Variants in RPL5 observed in about 807,000 individuals in gnomAD.
RPL5 encodes the protein large ribosomal subunit protein uL18.
A neutral mutation model predicts 38.4 loss-of-function variants in RPL5; 1 was observed. The ratio of observed to expected loss-of-function variants is 0.03; its 90% CI spans 0.01 to 0.12. The LOEUF is 0.12. Ranked by LOEUF, RPL5 falls within the 10% of genes least tolerant of loss-of-function variation. The pLI is 1.00. For missense variants in RPL5, 243 were observed against 374.1 expected (o/e 0.65, Z 2.89); for synonymous variants, 109 against 121.2 (o/e 0.90, Z 0.66).
intron 1 of RPL5, 54 bp from the exon 2 acceptor site, chr1:92,833,335 A>G: frequency 6.4e-6 from 9 of 1,401,460 alleles, no homozygotes; most frequent in South Asian, 1.2e-5. Context: ...ATTTATGTCA[A>G]AAGTATCATA....
intron 6 of RPL5, chr1:92,840,303 C>T (rs1687302201): frequency 2.2e-6 from 1 of 444,972 alleles, no homozygotes; most frequent in Non-Finnish European, 4.1e-6. Context: ...TGAACCACCA[C>T]ACCTGGCCTG....
chr1:92,841,754 T>C lies in RPL5; in HGVS notation c.795-12T>C, dbSNP rs1391575321. Reference sequence around the variant, plus strand: ...TTATAGTTTAAAAAATATATATTCCTATCTTTTGTAGGTGGAACCGTCCCA... The same window carrying C: ...TTATAGTTTAAAAAATATATATTCCCATCTTTTGTAGGTGGAACCGTCCCA... On this transcript the variant is annotated splice_polypyrimidine_tract_variant and intron_variant, in intron 7 of 7. Coordinates refer to ENST00000370321, the MANE Select transcript of RPL5 (RefSeq NM_000969.5). The C allele has an allele frequency of 5.0e-6, 8 of 1,586,098 alleles. No homozygotes were observed. The highest frequency in any genetic ancestry group is 1.1e-5 in the South Asian group (1 of 90,222).
Position 92,841,215 on chromosome 1 carries a change from C to T in RPL5, c.795-551C>T, listed in dbSNP as rs182371875. Among the ~76,000 whole-genome samples the T allele has an allele frequency of 2.5e-3, 382 of 152,310 alleles. 5 individuals are homozygous for T. In the South Asian group the frequency reaches 0.028, roughly 11 times the overall value. ...TGCACCCACCAGCCTCTGTAACCAC[C>T]ATTCTGCTCTCTGCTTCTGTGAGTT... On this transcript the variant is annotated intron_variant, in intron 7 of 7. Coordinates refer to ENST00000370321, the MANE Select transcript of RPL5 (RefSeq NM_000969.5).
chr1:92,840,727 T>C lies in RPL5; in HGVS notation c.794+88T>C, dbSNP rs1164279798. The stretch of plus-strand genomic sequence containing the variant: ...AGACTGTTGGTGTAATTGTGCAAAC[T>C]CGATCACTAGCTCTGCGTGATGTGG... On this transcript the variant is annotated intron_variant, in intron 7 of 7. Transcript: ENST00000370321. 3.2e-6 allele frequency: 3 copies of C among 939,024 alleles called. No homozygotes were observed. In the African/African-American group the frequency reaches 4.8e-5, roughly 15 times the overall value. The allele number at this position is 939,024 out of a possible 1,614,324, so 58.2% of individuals were successfully genotyped here.
chr1:92,839,588 A>T (rs1269621094), intron 6 of RPL5, among the ~76,000 whole-genome samples: 3 of 152,148 alleles, frequency 2.0e-5, no homozygotes, highest in African/African-American at 7.2e-5. Context: ...TGACAGATGA[A>T]TTTGCTTGTT....
intron 4 of RPL5, 73 bp from the exon 5 acceptor site, chr1:92,836,117 A>G (rs1177350930): frequency 7.2e-7 from 1 of 1,386,090 alleles, no homozygotes; most frequent in African/African-American, 1.4e-5. Context: ...CCTTACGGTT[A>G]TGACATAAGC....
Position 92,837,481 on chromosome 1 carries a change from T to A in RPL5, c.553T>A (p.Ser185Thr). ...HSTKRFPGYD[S>T]ESKEFNAEVH... The stretch of plus-strand genomic sequence containing the variant: ...TACCAAACGATTCCCTGGTTATGAT[T>A]CTGAAAGCAAGGAATTTAATGCAGA... The change falls in exon 6 of 8, where the codon TCT becomes ACT. Residue 185 changes from serine to threonine, a missense_variant. Coordinates refer to ENST00000370321, the MANE Select transcript of RPL5 (RefSeq NM_000969.5). 6.2e-7 allele frequency: 1 copy of A among 1,613,366 alleles called. No individual in the cohort carries two copies. Among genetic ancestry groups the A allele is most frequent in the Middle Eastern group, 1.8e-4 (1 of 5,464 alleles).
At chr1:92,835,079 A>G (rs189964392) in intron 4 of RPL5, 166 bp downstream of exon 4, 5 of 999,262 alleles carry the variant, frequency 5.0e-6, no homozygotes, top group African/African-American at 3.2e-5. Flanking sequence ...GCTCTTTCCA[A>G]TAAAATTTTC....
At position 92,834,785 on chromosome 1, in the gene RPL5, T is replaced by C; in HGVS notation, c.196T>C (p.Tyr66His). 1.2e-6 allele frequency: 2 copies of C among 1,613,208 alleles called. No homozygotes were observed. The highest frequency in any genetic ancestry group is 1.7e-6 in the Non-Finnish European group (2 of 1,179,864). ...TNRDIICQIA[Y>H]ARIEGDMIVC... is the part of the protein sequence containing the mutation. ...AGTTTCTCTCTTACTATAGATTGCTTATGCCCGTATAGAGGGGGATATGAT... is the reference window on the plus strand; with the variant it reads ...AGTTTCTCTCTTACTATAGATTGCTCATGCCCGTATAGAGGGGGATATGAT... The change falls in exon 4 of 8, where the codon TAT (tyrosine) becomes CAT (histidine). Residue 66 changes from tyrosine to histidine, a missense_variant. Coordinates refer to ENST00000370321, the MANE Select transcript of RPL5 (RefSeq NM_000969.5).
intron 6 of RPL5, among the ~76,000 whole-genome samples, chr1:92,837,965 T>C (rs992881704): frequency 6.6e-6 from 1 of 152,226 alleles, no homozygotes; most frequent in African/African-American, 2.4e-5. Flanking sequence ...TCATAGCATA[T>C]GTGTGCTATA....
chr1:92,840,817 A>G (rs777175835), intron 7 of RPL5, 178 bp downstream of exon 7: 9 of 722,100 alleles, frequency 1.2e-5, no homozygotes, highest in African/African-American at 1.7e-5. Context: ...AGCCTCAGAC[A>G]CTACTGAGGT....
chr1:92,835,034 A>G (rs1687063425), intron 4 of RPL5, 121 bp downstream of exon 4: 3 of 1,417,926 alleles, frequency 2.1e-6, no homozygotes, highest in Non-Finnish European at 2.0e-6. Context: ...GCTTGCTTCC[A>G]GTTTTCTGCT....
intron 3 of RPL5, among the ~76,000 whole-genome samples, chr1:92,834,542 C>G (rs1687041961): frequency 6.6e-6 from 1 of 152,176 alleles, no homozygotes; most frequent in African/African-American, 2.4e-5. Context: ...CGTTAGGTTC[C>G]TGAGACTTTG....
intron 1 of RPL5, chr1:92,832,346 G>A (rs774848820): frequency 2.5e-5 from 17 of 677,288 alleles, no homozygotes; most frequent in Non-Finnish European, 4.2e-5. Context: ...CTTGGACGGC[G>A]GATTGGGGAG....
chr1:92,840,080 G>T (rs550857163), intron 6 of RPL5, among the ~76,000 whole-genome samples: 25 of 151,392 alleles, frequency 1.7e-4, no homozygotes, highest in African/African-American at 6.1e-4. Flanking sequence ...GGTCCAGTGA[G>T]CTGTGATTGT....
At chr1:92,839,874 T>A (rs774285528) in intron 6 of RPL5, among the ~76,000 whole-genome samples, 1 of 152,044 alleles carries the variant, frequency 6.6e-6, no homozygotes, top group Non-Finnish European at 1.5e-5. Flanking sequence ...AGGATCTTGT[T>A]CTGTTTCCTG....
chr1:92,840,394 G>A (rs1250860833), intron 6 of RPL5, 157 bp from the exon 7 acceptor site: 1 of 643,716 alleles, frequency 1.6e-6, no homozygotes, highest in African/African-American at 1.8e-5. Flanking sequence ...GTTAGGAAAA[G>A]GTGAGTTACA....
intron 6 of RPL5, among the ~76,000 whole-genome samples, chr1:92,838,500 A>T (rs182570728): frequency 1.3e-5 from 2 of 152,290 alleles, no homozygotes; most frequent in Non-Finnish European, 2.9e-5. Context: ...GTGCTTTCAG[A>T]TGTTTACTTC....
rs201295012 is a variant in RPL5 at position 92,832,097 on chromosome 1, C to G, written c.-18C>G. ...CAGGTCTCTGTCGAGCAGCGGACGC[C>G]GGTCTCTGTTCCGCAGGATGGTGAG... On this transcript the variant is annotated 5_prime_UTR_variant, in exon 1 of 8. Transcript: ENST00000370321. 5 of 1,613,958 alleles carry G rather than the reference C, an allele frequency of 3.1e-6. No homozygotes were observed. In the African/African-American group the frequency reaches 4.0e-5, roughly 13 times the overall value.
Sources: gnomAD v4.1 joint callset for allele counts (sites outside exome capture counted in the v4.1 genomes callset) on GRCh38, gnomAD v4.1.1 for gene constraint, MANE v1.5 for transcripts, NCBI Gene and HGNC (gene_info 2026-07-23, HGNC 2026-07-21) for gene names.